Variants in ADAMTS10 observed in about 807,000 individuals in gnomAD.
ADAMTS10 encodes ADAM metallopeptidase with thrombospondin type 1 motif 10.
A neutral mutation model predicts 135.9 loss-of-function variants in ADAMTS10; 48 were observed. That is an observed-to-expected ratio of 0.35 (90% CI 0.28 to 0.45). The LOEUF is 0.45. Among genes scored for constraint, ADAMTS10 ranks in the 20% least tolerant of loss-of-function variants. ADAMTS10 has a pLI of 1.00. For synonymous variants in ADAMTS10, 621 were observed against 647.5 expected (o/e 0.96, Z 0.62); for missense variants, 1,131 against 1,565.2 (o/e 0.72, Z 4.68).
intron 13 of ADAMTS10, 87 bp downstream of exon 13, chr19:8,592,676 A>G: frequency 1.5e-6 from 2 of 1,343,150 alleles, no homozygotes; most frequent in Admixed American, 3.9e-5. Context: ...AGCAGATAAT[A>G]GGCCGAAGGA....
At position 8,585,116 on chromosome 19, in the gene ADAMTS10, G is replaced by T. The variant is rs900154254; in HGVS notation, c.3042+16C>A. The stretch of plus-strand genomic sequence containing the variant: ...CCCTGCCCTGGCCCCCACCCCTCTG[G>T]GGCGCGCCCTCCTACCTCACCCCAC... On this transcript the variant is annotated intron_variant, in intron 24 of 25. Coordinates refer to ENST00000597188, the MANE Select transcript of ADAMTS10 (RefSeq NM_030957.4). 15 of 1,454,276 alleles carry T rather than the reference G, an allele frequency of 1.0e-5. No individual in the cohort carries two copies. The East Asian group carries it at 2.4e-4, about 23-fold the overall frequency. The allele number at this position is 1,454,276 out of a possible 1,614,324, so 90.1% of individuals were successfully genotyped here.
chr19:8,585,440 G>C lies in ADAMTS10; in HGVS notation c.2865+16C>G. The C allele has an allele frequency of 1.3e-6, 2 of 1,537,322 alleles. No individual in the cohort carries two copies. Among genetic ancestry groups the C allele is most frequent in the Non-Finnish European group, 1.8e-6 (2 of 1,142,226 alleles). On this transcript the variant is annotated intron_variant, in intron 23 of 25. Coordinates refer to ENST00000597188, the MANE Select transcript of ADAMTS10 (RefSeq NM_030957.4). ...CCTGGGCATCCCAGTGGGCGCGAAG[G>C]AAGGGGGCGGCTGACCTCAGACCAG... is the stretch of plus-strand genomic sequence containing the variant.
chr19:8,583,666 G>T (rs1555736233), intron 25 of ADAMTS10, among the ~76,000 whole-genome samples: 1 of 151,968 alleles, frequency 6.6e-6, no homozygotes, highest in Admixed American at 6.6e-5. Flanking sequence ...GGGCTACATA[G>T]AAAAACCCCG....
rs2146095426 is a variant in ADAMTS10 at position 8,601,902 on chromosome 19, A to T, written c.593-757T>A. ...AAATGTCCAACTGAACACTTGCATG[A>T]CTGTCCCACAGCTAAGCTGGTTGGT... is the stretch of plus-strand genomic sequence containing the variant. On this transcript the variant is annotated intron_variant, in intron 5 of 25. Coordinates refer to ENST00000597188, the MANE Select transcript of ADAMTS10 (RefSeq NM_030957.4). This position sits in a 1 kb window ranked among gnomAD's most constrained non-coding sequence, Gnocchi z 4.6. 6.6e-6 allele frequency among the ~76,000 whole-genome samples: 1 copy of T among 152,278 alleles called. No homozygotes were observed. The highest frequency in any genetic ancestry group is 2.1e-4 in the South Asian group (1 of 4,822).
intron 12 of ADAMTS10, among the ~76,000 whole-genome samples, chr19:8,595,123 G>C (rs530546547): frequency 6.6e-6 from 1 of 152,272 alleles, no homozygotes; most frequent in East Asian, 1.9e-4. Context: ...GGGAATCGAG[G>C]CAGGTGGGCA....
At chr19:8,602,477 C>A (rs2042678534) in intron 5 of ADAMTS10, among the ~76,000 whole-genome samples, 1 of 152,138 alleles carries the variant, frequency 6.6e-6, no homozygotes, top group South Asian at 2.1e-4. Context: ...TGCCACCACG[C>A]CTGGCTAACT....
At chr19:8,595,698 T>TCCCGG in intron 12 of ADAMTS10, 64 bp downstream of exon 12, 34 of 1,291,938 alleles carry the variant, frequency 2.6e-5, no homozygotes, top group Non-Finnish European at 3.5e-5. Context: ...CTGGTGGAGT[T>TCCCGG]CCCTCCCCCA....
rs781980501 is a variant in ADAMTS10, at chr19:8,591,776, CT to C, written c.1797+23del. ...TTTTTAATGCTTCCTCCCCCCACCC[CT>C]CAAGGGGTTTGGGGGAACTCACATC... On this transcript the variant is annotated intron_variant, in intron 15 of 25. Transcript: ENST00000597188. 85 of 1,613,326 alleles carry C rather than the reference CT, an allele frequency of 5.3e-5. No homozygotes were observed. The African/African-American group carries it at 1.1e-3, about 21-fold the overall frequency.
In ADAMTS10 at chr19:8,595,906, G is replaced by T. The variant is rs1555740037; in HGVS notation, c.1338-3C>A. Reference sequence around the variant, plus strand: ...TCAGGCAGAGCCCCAGGCCCGAGCTGCCTCGAGAGAAAAGCAACTGTCATG... The same window carrying T: ...TCAGGCAGAGCCCCAGGCCCGAGCTTCCTCGAGAGAAAAGCAACTGTCATG... On this transcript the variant is annotated splice_polypyrimidine_tract_variant and splice_region_variant and intron_variant, in intron 11 of 25. Coordinates refer to ENST00000597188, the MANE Select transcript of ADAMTS10 (RefSeq NM_030957.4). 1 of 1,614,186 alleles carries T rather than the reference G, an allele frequency of 6.2e-7. No homozygotes were observed. Among genetic ancestry groups the T allele is most frequent in the Non-Finnish European group, 8.5e-7 (1 of 1,180,032 alleles).
chr19:8,592,917 C>T, intron 12 of ADAMTS10, 47 bp from the exon 13 acceptor site: 1 of 1,559,044 alleles, frequency 6.4e-7, no homozygotes, highest in Non-Finnish European at 8.7e-7. Context: ...CCCTTCCTCC[C>T]TGGGGCAGCC....
chr19:8,604,124 C>T (rs1360467585), intron 4 of ADAMTS10, among the ~76,000 whole-genome samples: 1 of 151,742 alleles, frequency 6.6e-6, no homozygotes, highest in Non-Finnish European at 1.5e-5. Flanking sequence ...AATCGTAGCT[C>T]ACTGCATCCT....
intron 12 of ADAMTS10, 24 bp from the exon 13 acceptor site, chr19:8,592,894 G>GGCTC: frequency 6.2e-7 from 1 of 1,600,510 alleles, no homozygotes; most frequent in Non-Finnish European, 8.5e-7. Flanking sequence ...TGCCCGCTCA[G>GGCTC]GCTCGCCCCC....
rs1555737294 is a variant in ADAMTS10, at chr19:8,586,588, C to T, written c.2373G>A (p.Leu791=). The T allele has an allele frequency of 6.2e-7, 1 of 1,613,884 alleles. No individual in the cohort carries two copies. Among genetic ancestry groups the T allele is most frequent in the African/African-American group, 1.3e-5 (1 of 74,916 alleles). The change falls in exon 20 of 26, where the codon CTG becomes CTA. Residue 791 remains leucine, a synonymous_variant. Transcript: ENST00000597188. ...GPDQVQSLEA[L]GPINASLIVM... ...CGATGAGAGATGCATTAATCGGTCC[C>T]AGGGCTTCGAGGCTCTGGACCTGGT...
At chr19:8,599,965 GC>G (rs1289369619) in intron 6 of ADAMTS10, among the ~76,000 whole-genome samples, 4 of 151,922 alleles carry the variant, frequency 2.6e-5, no homozygotes, top group African/African-American at 9.7e-5. Context: ...CTCCTGAGTA[GC>G]TGGGATTACA....
At chr19:8,589,831 C>T in intron 16 of ADAMTS10, 58 bp downstream of exon 16, 1 of 1,540,690 alleles carries the variant, frequency 6.5e-7, no homozygotes, top group Non-Finnish European at 9.0e-7. Context: ...CCACCTGCTG[C>T]TGGACACTCC....
chr19:8,588,283 C>T (rs1055449894), intron 18 of ADAMTS10, among the ~76,000 whole-genome samples: 4 of 151,766 alleles, frequency 2.6e-5, no homozygotes, highest in African/African-American at 9.7e-5. Context: ...TTGGGGTCTC[C>T]CTAGGTTGCC....
At chr19:8,603,915 T>C in intron 4 of ADAMTS10, 31 bp from the exon 5 acceptor site, 1 of 1,584,086 alleles carries the variant, frequency 6.3e-7, no homozygotes, top group East Asian at 2.2e-5. Context: ...TAGAAAGCTC[T>C]CAGGATCAGG....
intron 1 of ADAMTS10, among the ~76,000 whole-genome samples, chr19:8,610,356 A>C (rs2042767436): frequency 1.3e-5 from 2 of 150,170 alleles, no homozygotes; most frequent in Admixed American, 6.6e-5. Context: ...ACAGACACAC[A>C]AGAGACTCAT....
At chr19:8,595,301 A>C (rs1164432261) in intron 12 of ADAMTS10, among the ~76,000 whole-genome samples, 6 of 152,150 alleles carry the variant, frequency 3.9e-5, no homozygotes, top group African/African-American at 1.4e-4. Flanking sequence ...GGGAGAGGTC[A>C]GGAGGCTCAG....
Sources: allele counts gnomAD v4.1 joint callset (sites outside exome capture counted in the v4.1 genomes callset), GRCh38; gene constraint gnomAD v4.1.1; non-coding constraint Gnocchi (gnomAD v3.1); transcripts MANE v1.5; gene names NCBI Gene and HGNC (gene_info 2026-07-23, HGNC 2026-07-21).